The following SRGAP2B variants were observed in gnomAD, a reference collection of about 807,000 sequenced individuals.
SRGAP2B encodes SLIT-ROBO Rho GTPase activating protein 2B, also known as SLIT-ROBO Rho GTPase-activating protein 2B.
A neutral mutation model predicts 22.2 loss-of-function variants in SRGAP2B; 9 were observed. The ratio of observed to expected loss-of-function variants is 0.41; its 90% CI spans 0.24 to 0.71. The LOEUF (loss-of-function observed/expected upper bound fraction) is 0.71. Among genes scored for constraint, SRGAP2B ranks in the 30% least tolerant of loss-of-function variants. SRGAP2B has a pLI of 0.35. For synonymous variants in SRGAP2B, 36 were observed against 87.4 expected (o/e 0.41, Z 3.28); for missense variants, 114 against 235.8 (o/e 0.48, Z 3.38).
rs376987197 is a variant in SRGAP2B, at chr1:145,017,993, A to G, written c.68-22793T>C. On this transcript the variant is annotated intron_variant, in intron 2 of 9. Coordinates refer to ENST00000612199, the Ensembl canonical transcript of SRGAP2B. Reference sequence around the variant, plus strand: ...CTTAGTTCCTGTTGACCTGAAGAGCATAATGTTCTGGCACAGAATCTTCCA... The same window carrying G: ...CTTAGTTCCTGTTGACCTGAAGAGCGTAATGTTCTGGCACAGAATCTTCCA... 2.5e-3 allele frequency among the ~76,000 whole-genome samples: 385 copies of G among 151,024 alleles called. 30 individuals carry two copies. Among genetic ancestry groups the G allele is most frequent in the African/African-American group, 9.0e-3 (364 of 40,474 alleles).
chr1:144,958,319 T>C (rs1195843380), intron 3 of SRGAP2B, among the ~76,000 whole-genome samples: 1 of 150,980 alleles, frequency 6.6e-6, no homozygotes, highest in Non-Finnish European at 1.5e-5. Flanking sequence ...TGGCTGGAAG[T>C]AGAAATCTTT....
intron 3 of SRGAP2B, among the ~76,000 whole-genome samples, chr1:144,958,323 A>G (rs1467417264): frequency 6.6e-6 from 1 of 151,060 alleles, no homozygotes; most frequent in African/African-American, 2.5e-5. Context: ...TGGAAGTAGA[A>G]ATCTTTTAAA....
intron 5 of SRGAP2B, among the ~76,000 whole-genome samples, chr1:144,911,680 C>T (rs1397204957): frequency 2.0e-5 from 3 of 148,342 alleles, no homozygotes; most frequent in African/African-American, 7.7e-5. Context: ...TGCAGTGGCA[C>T]GATCTTGGCT....
rs1447426208 is a variant in SRGAP2B at position 144,991,076 on chromosome 1, C to T, written c.260+3932G>A. 1.3e-4 allele frequency among the ~76,000 whole-genome samples: 19 copies of T among 151,010 alleles called. 1 individual carries two copies. Among genetic ancestry groups the T allele is most frequent in the South Asian group, 1.0e-3 (5 of 4,814 alleles). On this transcript the variant is annotated intron_variant, in intron 3 of 9. Transcript: ENST00000612199. The stretch of plus-strand genomic sequence containing the variant: ...TGGCAGGCAGCTCCACCTGCAGCCC[C>T]GGTGCGGGATCCACTAGATGAAGCC...
rs782098090 is a variant in SRGAP2B at position 144,995,107 on chromosome 1, C to T, written c.161G>A (p.Arg54Gln). 2.5e-5 allele frequency: 36 copies of T among 1,426,062 alleles called. 1 individual carries two copies. Among genetic ancestry groups the T allele is most frequent in the African/African-American group, 7.7e-5 (5 of 64,690 alleles). 88.3% of individuals were successfully genotyped at this position (1,426,062 alleles called of 1,614,324 possible). Reference sequence around the variant, plus strand: ...GTCCATCTCAATCTCTGCCTTCTTTCGGAAGAAGTCCTGGAGGTCCTGCAA... The same window carrying T: ...GTCCATCTCAATCTCTGCCTTCTTTTGGAAGAAGTCCTGGAGGTCCTGCAA... Residue 54 changes from arginine (R) to glutamine (Q), a missense_variant, in exon 3 of 10, where the codon CGA becomes CAA. Around this residue, in one of 2 missense-constraint regions of SRGAP2B, gnomAD observed 95 missense variants for 139.0 expected, o/e 0.68. Coordinates refer to ENST00000612199, the Ensembl canonical transcript of SRGAP2B.
In SRGAP2B at chr1:144,990,740, G is replaced by T. The variant is rs1303768351; in HGVS notation, c.260+4268C>A. 1.4e-4 allele frequency among the ~76,000 whole-genome samples: 21 copies of T among 151,240 alleles called. 1 individual carries two copies. The highest frequency in any genetic ancestry group is 1.2e-3 in the Admixed American group (18 of 15,204). ...CTTGGGCTTGGTGGGCCCCGCACTC[G>T]GAGCAGCCGGCCAGCCCTGCTGGCC... On this transcript the variant is annotated intron_variant, in intron 3 of 9. Transcript: ENST00000612199.
chr1:145,065,179 G>GCTATGAAAGCT (rs1651359003), intron 2 of SRGAP2B, among the ~76,000 whole-genome samples: 1 of 152,008 alleles, frequency 6.6e-6, no homozygotes, highest in Non-Finnish European at 1.5e-5. Context: ...GACCCGATCT[G>GCTATGAAAGCT]CTATGAAAGT....
chr1:144,939,702 T>A (rs1327690298), intron 4 of SRGAP2B, among the ~76,000 whole-genome samples: 2 of 149,890 alleles, frequency 1.3e-5, no homozygotes, highest in African/African-American at 2.5e-5. Context: ...TTTTTTTTCC[T>A]TCAGTCCCTG....
chr1:144,965,728 G>C (rs1668034990), intron 3 of SRGAP2B, among the ~76,000 whole-genome samples: 4 of 137,786 alleles, frequency 2.9e-5, no homozygotes, highest in Non-Finnish European at 6.1e-5. Context: ...AGGCAAAGAA[G>C]TTGAAAACTT....
chr1:145,080,255 C>A (rs1190041278), intron 2 of SRGAP2B, among the ~76,000 whole-genome samples: 1 of 148,724 alleles, frequency 6.7e-6, no homozygotes, highest in East Asian at 1.9e-4. Flanking sequence ...GATCCAGTCA[C>A]AAGTTCACCT....
chr1:144,972,207 CTGGGCCACACCCCAGTCACTCTGTAAAAT>C, intron 3 of SRGAP2B, among the ~76,000 whole-genome samples: 1 of 118,376 alleles, frequency 8.4e-6, no homozygotes, highest in Non-Finnish European at 1.7e-5. Flanking sequence ...TACTGGAGGA[CTGGGCCACACCCCAGTCACTCTGTAAAAT>C]GACCCTTCAG....
chr1:144,971,021 A>G lies in SRGAP2B; in HGVS notation c.261-15420T>C, dbSNP rs1489361254. Among the ~76,000 whole-genome samples the G allele has an allele frequency of 2.0e-5, 3 of 150,734 alleles. No individual in the cohort carries two copies. The South Asian group carries it at 6.2e-4, about 31-fold the overall frequency. On this transcript the variant is annotated intron_variant, in intron 3 of 9. Transcript: ENST00000612199. ...CACAATGAATTCATACCCACGAAAC[A>G]AAGTGACTAGAATCATGTCTGAAAA...
intron 2 of SRGAP2B, among the ~76,000 whole-genome samples, chr1:145,044,396 GA>G (rs1353168298): frequency 2.4e-5 from 3 of 127,576 alleles, no homozygotes; most frequent in South Asian, 2.8e-4. Context: ...CGATATTCAG[GA>G]AAAAAAACTA....
intron 2 of SRGAP2B, among the ~76,000 whole-genome samples, chr1:145,062,575 CTA>C (rs1651034969): frequency 1.3e-5 from 2 of 152,282 alleles, no homozygotes; most frequent in African/African-American, 4.8e-5. Context: ...TGCTGGACTT[CTA>C]TACCACATAA....
Position 145,093,704 on chromosome 1 carries a change from C to A in SRGAP2B, c.-542-261G>T, listed in dbSNP as rs1351256944. Among the ~76,000 whole-genome samples, 3 of 148,538 alleles carry A rather than the reference C, an allele frequency of 2.0e-5. 1 individual carries two copies. The highest frequency in any genetic ancestry group is 7.8e-5 in the African/African-American group (3 of 38,392). On this transcript the variant is annotated intron_variant, in intron 1 of 9. Coordinates refer to ENST00000612199, the Ensembl canonical transcript of SRGAP2B. ...AACTGCAGGAACGCGGGGCACCGGG[C>A]GGGGAATGCGGCACCTCGGCGGCCT...
At chr1:144,951,123 C>T (rs1301016437) in intron 4 of SRGAP2B, among the ~76,000 whole-genome samples, 4 of 151,190 alleles carry the variant, frequency 2.6e-5, no homozygotes, top group Non-Finnish European at 4.4e-5. Flanking sequence ...GCTGCGATTA[C>T]AGGCGTGAGC....
chr1:144,915,678 A>G (rs1466459327), intron 4 of SRGAP2B, among the ~76,000 whole-genome samples: 1 of 151,278 alleles, frequency 6.6e-6, no homozygotes, highest in Non-Finnish European at 1.5e-5. Flanking sequence ...GTGAGCCGAG[A>G]TTGCGCCATT....
At chr1:144,991,241 T>G (rs1670193011) in intron 3 of SRGAP2B, among the ~76,000 whole-genome samples, 1 of 149,578 alleles carries the variant, frequency 6.7e-6, no homozygotes, top group African/African-American at 2.5e-5. Flanking sequence ...GCTGCTCTAG[T>G]GAGGACGTGG....
chr1:145,006,307 C>T (rs1277835605), intron 2 of SRGAP2B, among the ~76,000 whole-genome samples: 2 of 150,916 alleles, frequency 1.3e-5, no homozygotes, highest in Non-Finnish European at 1.5e-5. Context: ...GCAGTAGCTT[C>T]ACATAGTTAC....
Sources: allele counts gnomAD v4.1 joint callset (sites outside exome capture counted in the v4.1 genomes callset), GRCh38; gene constraint gnomAD v4.1.1; regional missense constraint gnomAD v4.1.1; transcripts MANE v1.5; gene names NCBI Gene and HGNC (gene_info 2026-07-23, HGNC 2026-07-21).